The following CNTNAP2 variants were observed in gnomAD, a reference collection of about 807,000 sequenced individuals.
CNTNAP2 encodes the protein contactin associated protein 2.
Under a neutral mutation model 155.2 loss-of-function variants are expected in CNTNAP2, and 98 were observed. That is an observed-to-expected ratio of 0.63 (90% CI 0.54 to 0.75). The LOEUF (loss-of-function observed/expected upper bound fraction) is 0.75. CNTNAP2 is among the 30% of genes least tolerant of loss of function. The probability of loss-of-function intolerance (pLI) is 0.00; values close to 1 mark genes in which losing one functional copy is unlikely to be tolerated. For synonymous variants in CNTNAP2, 651 were observed against 631.2 expected, an observed-to-expected ratio of 1.03 and a Z score of -0.47; for missense variants, 1,727 against 1,688.1, an observed-to-expected ratio of 1.02 and a Z score of -0.40.
intron 13 of CNTNAP2, among the ~76,000 whole-genome samples, chr7:147,889,259 GA>G (rs1274311145): frequency 6.6e-6 from 1 of 151,418 alleles, no homozygotes; most frequent in African/African-American, 2.4e-5. Context: ...AAACAAGAGA[GA>G]AAAAAAGGTA....
chr7:146,901,386 T>C (rs1343190782), intron 3 of CNTNAP2, among the ~76,000 whole-genome samples: 2 of 152,186 alleles, frequency 1.3e-5, no homozygotes, highest in Non-Finnish European at 2.9e-5. Context: ...CAAAAGCAAT[T>C]AAAATAGCTT....
At chr7:147,145,710 C>T (rs993968667) in intron 8 of CNTNAP2, among the ~76,000 whole-genome samples, 3 of 152,158 alleles carry the variant, frequency 2.0e-5, no homozygotes, top group African/African-American at 7.2e-5. Context: ...GTTATGGTTT[C>T]CTGTTTTCCT....
At chr7:147,135,260 CAA>C (rs1210876741) in intron 8 of CNTNAP2, among the ~76,000 whole-genome samples, 1 of 151,702 alleles carries the variant, frequency 6.6e-6, no homozygotes, top group Non-Finnish European at 1.5e-5. Context: ...GAAATTCAGT[CAA>C]ACTCAGTAGC....
chr7:146,689,494 C>G (rs10272171), intron 1 of CNTNAP2, among the ~76,000 whole-genome samples: 7,559 of 151,964 alleles, frequency 0.05, 247 homozygotes, highest in African/African-American at 0.1. Context: ...GGTGTTTGTT[C>G]TATAAGCTCT....
At chr7:146,713,607 A>G (rs1470335903) in intron 1 of CNTNAP2, among the ~76,000 whole-genome samples, 3 of 152,192 alleles carry the variant, frequency 2.0e-5, no homozygotes, top group Non-Finnish European at 4.4e-5. Context: ...GCATCAAATA[A>G]TGAATAGCTC....
intron 12 of CNTNAP2, among the ~76,000 whole-genome samples, chr7:147,599,689 A>C (rs945302942): frequency 4.6e-5 from 7 of 152,086 alleles, no homozygotes; most frequent in African/African-American, 1.7e-4. Context: ...ATGTCACTGC[A>C]TCCCTCCCGT....
At chr7:148,055,080 T>C (rs1802982303) in intron 15 of CNTNAP2, among the ~76,000 whole-genome samples, 1 of 151,852 alleles carries the variant, frequency 6.6e-6, no homozygotes, top group Admixed American at 6.6e-5. Context: ...AGACGGGTTT[T>C]ACCATGTTGG....
At chr7:147,097,483 C>A (rs1271601776) in intron 4 of CNTNAP2, 5 of 152,106 alleles carry the variant, frequency 3.3e-5, no homozygotes, top group African/African-American at 1.2e-4. Flanking sequence ...GTGGAGGGGA[C>A]CTTGAACATG....
rs141171930 is a variant in CNTNAP2, at chr7:146,673,058, A to T, written c.98-101213A>T. Among the ~76,000 whole-genome samples the T allele has an allele frequency of 1.0e-3, 157 of 152,204 alleles. 1 individual carries two copies. The highest frequency in any genetic ancestry group is 1.9e-3 in the Non-Finnish European group (127 of 67,998). On this transcript the variant is annotated intron_variant, in intron 1 of 23. Coordinates refer to ENST00000361727, the MANE Select transcript of CNTNAP2 (RefSeq NM_014141.6). The stretch of plus-strand genomic sequence containing the variant: ...TTACTTCTCATTTTTTTTCCATTAA[A>T]TGATATAAATTTTAAGATAGTAGTT...
In CNTNAP2 at chr7:148,297,106, A is replaced by C. The variant is rs117067695; in HGVS notation, c.3475+29980A>C. Among the ~76,000 whole-genome samples, 68 of 152,072 alleles carry C rather than the reference A, an allele frequency of 4.5e-4. 2 individuals are homozygous for C. In the East Asian group the frequency reaches 0.012, roughly 28 times the overall value. On this transcript the variant is annotated intron_variant, in intron 21 of 23. Coordinates refer to ENST00000361727, the MANE Select transcript of CNTNAP2 (RefSeq NM_014141.6). ...ACAATAAAAATCAGATCAGATAACCAAAAAGTCACTGGTAACCTTATTCCT... is the reference window on the plus strand; with the variant it reads ...ACAATAAAAATCAGATCAGATAACCCAAAAGTCACTGGTAACCTTATTCCT...
intron 2 of CNTNAP2, among the ~76,000 whole-genome samples, chr7:146,805,065 G>A (rs1221807472): frequency 2.6e-5 from 4 of 152,162 alleles, no homozygotes; most frequent in Admixed American, 2.0e-4. Context: ...TGGAGACTTT[G>A]GGCATAGTGG....
At chr7:146,200,579 T>G (rs1798845282) in intron 1 of CNTNAP2, among the ~76,000 whole-genome samples, 1 of 152,110 alleles carries the variant, frequency 6.6e-6, no homozygotes, top group Non-Finnish European at 1.5e-5. Context: ...TTCCTTTGTT[T>G]CTATGTTTTT....
intron 1 of CNTNAP2, among the ~76,000 whole-genome samples, chr7:146,370,910 T>G (rs1213666890): frequency 1.3e-5 from 2 of 152,212 alleles, no homozygotes; most frequent in African/African-American, 4.8e-5. Flanking sequence ...CTATCAAATT[T>G]ATTGTTAATT....
Position 147,015,708 on chromosome 7 carries a change from G to C in CNTNAP2, c.403-28199G>C, listed in dbSNP as rs1189191884. On this transcript the variant is annotated intron_variant, in intron 3 of 23. Transcript: ENST00000361727. Reference sequence around the variant, plus strand: ...GTTTTTTTTAAAGCTGTTTTCTTTTGAATTTAAGAAGGGTAAAAACACACC... The same window carrying C: ...GTTTTTTTTAAAGCTGTTTTCTTTTCAATTTAAGAAGGGTAAAAACACACC... Among the ~76,000 whole-genome samples the C allele has an allele frequency of 2.0e-5, 3 of 151,770 alleles. No homozygotes were observed. In the East Asian group the frequency reaches 5.8e-4, roughly 29 times the overall value.
At chr7:148,358,456 G>A (rs1798559742) in intron 21 of CNTNAP2, among the ~76,000 whole-genome samples, 1 of 152,180 alleles carries the variant, frequency 6.6e-6, no homozygotes, top group East Asian at 1.9e-4. Context: ...GAGATTGCAT[G>A]AGAAGGGATG....
intron 4 of CNTNAP2, among the ~76,000 whole-genome samples, chr7:147,107,666 T>TA (rs200429494): frequency 8.6e-5 from 13 of 151,984 alleles, no homozygotes; most frequent in East Asian, 1.9e-4. Flanking sequence ...AAAAACCATT[T>TA]AAAAAAAAGA....
chr7:147,060,788 T>G (rs111313677), intron 4 of CNTNAP2, among the ~76,000 whole-genome samples: 13 of 151,410 alleles, frequency 8.6e-5, no homozygotes, highest in Non-Finnish European at 1.9e-4. Flanking sequence ...GGCGTGAACC[T>G]GGGAGGCGGA....
At chr7:146,414,589 C>A (rs1270654899) in intron 1 of CNTNAP2, among the ~76,000 whole-genome samples, 1 of 152,118 alleles carries the variant, frequency 6.6e-6, no homozygotes, top group Non-Finnish European at 1.5e-5. Context: ...GTTTTCTGGC[C>A]TGATCCTATT....
chr7:147,756,580 T>C (rs1382991957), intron 13 of CNTNAP2, among the ~76,000 whole-genome samples: 1 of 151,878 alleles, frequency 6.6e-6, no homozygotes, highest in African/African-American at 2.4e-5. Context: ...GAGAAGTGAG[T>C]GAATTAATCA....
Sources: allele counts gnomAD v4.1 joint callset (sites outside exome capture counted in the v4.1 genomes callset), GRCh38; gene constraint gnomAD v4.1.1; transcripts MANE v1.5; gene names NCBI Gene and HGNC (gene_info 2026-07-23, HGNC 2026-07-21).